The following MKLN1 variants were observed in gnomAD, a reference collection of about 807,000 sequenced individuals.
MKLN1 encodes muskelin.
MKLN1 carries 18 observed loss-of-function variants against 99.0 expected under a neutral mutation model. The observed-to-expected ratio is 0.18, with a 90% CI of 0.13 to 0.27. The LOEUF (loss-of-function observed/expected upper bound fraction) is 0.27. MKLN1 is among the 10% of genes least tolerant of loss of function. The pLI is 1.00. For synonymous variants in MKLN1, 288 were observed against 293.2 expected (o/e 0.98, Z 0.18); for missense variants, 621 against 875.9 (o/e 0.71, Z 3.67).
chr7:131,444,763 AAGTAGTAGT>A (rs60459266), intron 11 of MKLN1, among the ~76,000 whole-genome samples: 11,882 of 117,696 alleles, frequency 0.1, 680 homozygotes, highest in Middle Eastern at 0.14. Context: ...GTAGTAGAAG[AAGTAGTAGT>A]AGTAGTAGTA....
At chr7:131,411,926 A>AAAAAAAAAAAAAAC (rs1794891952) in intron 7 of MKLN1, among the ~76,000 whole-genome samples, 1 of 138,366 alleles carries the variant, frequency 7.2e-6, no homozygotes, top group African/African-American at 2.7e-5. Flanking sequence ...AAAAAAAAAA[A>AAAAAAAAAAAAAAC]AAAAAAAAAA....
At chr7:131,236,414 A>G (rs1287612988) in intron 3 of MKLN1, among the ~76,000 whole-genome samples, 1 of 152,212 alleles carries the variant, frequency 6.6e-6, no homozygotes, top group Non-Finnish European at 1.5e-5. Context: ...TAATCTCAGC[A>G]CTTTGGAAGG....
chr7:131,341,574 C>T (rs1033213957), intron 1 of MKLN1, among the ~76,000 whole-genome samples: 3 of 152,088 alleles, frequency 2.0e-5, no homozygotes, highest in African/African-American at 4.8e-5. Context: ...TATGTTTAGC[C>T]GTTTATTAGT....
chr7:131,375,958 T>C (rs1793633193), intron 2 of MKLN1, among the ~76,000 whole-genome samples: 1 of 150,370 alleles, frequency 6.7e-6, no homozygotes, highest in South Asian at 2.1e-4. Flanking sequence ...CTTTCAGTTA[T>C]ATGCGTTCAG....
chr7:131,333,769 C>G (rs1799168177), intron 1 of MKLN1, among the ~76,000 whole-genome samples: 1 of 152,142 alleles, frequency 6.6e-6, no homozygotes, highest in African/African-American at 2.4e-5. Context: ...AACTCCTGAC[C>G]TCAGGTGATC....
intron 3 of MKLN1, among the ~76,000 whole-genome samples, chr7:131,221,455 A>C (rs1488779241): frequency 2.6e-5 from 4 of 151,606 alleles, no homozygotes; most frequent in Admixed American, 2.6e-4. Context: ...GACTGGGTGA[A>C]TCATGGAACC....
At chr7:131,134,593 G>C (rs1227801238) in intron 1 of MKLN1, among the ~76,000 whole-genome samples, 1 of 151,992 alleles carries the variant, frequency 6.6e-6, no homozygotes, top group Non-Finnish European at 1.5e-5. Context: ...CTTTAGCTTC[G>C]TCAGTGTCAT....
chr7:131,477,524 A>G (rs1288450463), intron 16 of MKLN1, among the ~76,000 whole-genome samples: 1 of 152,184 alleles, frequency 6.6e-6, no homozygotes, highest in Non-Finnish European at 1.5e-5. Flanking sequence ...AAATAAATAG[A>G]CAAGCCACAT....
At chr7:131,224,874 C>T (rs1368656433) in intron 3 of MKLN1, among the ~76,000 whole-genome samples, 2 of 151,570 alleles carry the variant, frequency 1.3e-5, no homozygotes, top group Non-Finnish European at 2.9e-5. Context: ...GAAATCGAGA[C>T]CATCCTGGCT....
intron 1 of MKLN1, among the ~76,000 whole-genome samples, chr7:131,352,632 A>C (rs2116768567): frequency 1.3e-5 from 2 of 152,230 alleles, no homozygotes; most frequent in Middle Eastern, 3.4e-3. Flanking sequence ...ATTTAAAGTA[A>C]TATCAGTGTT....
At chr7:131,454,932 T>C (rs1254804739) in intron 12 of MKLN1, among the ~76,000 whole-genome samples, 1 of 152,226 alleles carries the variant, frequency 6.6e-6, no homozygotes, top group East Asian at 1.9e-4. Flanking sequence ...ATGATTTGGT[T>C]GAACTCTGAA....
exon 2 of MKLN1, chr7:131,142,906 C>T: frequency 7.7e-7 from 1 of 1,305,096 alleles, no homozygotes; most frequent in South Asian, 1.2e-5. Flanking sequence ...GATTCATAAC[C>T]TGCTCCATGC....
rs1222291770 is a variant in MKLN1, at chr7:131,116,618, A to G, written c.-419+6411A>G. Among the ~76,000 whole-genome samples, 3 of 152,064 alleles carry G rather than the reference A, an allele frequency of 2.0e-5. No homozygotes were observed. In the East Asian group the frequency reaches 5.8e-4, roughly 29 times the overall value. The stretch of plus-strand genomic sequence containing the variant: ...ATCATTACTTTGAAAAGATAGTAGG[A>G]TATCTGATAGAACATGGAAATTAAA... On this transcript the variant is annotated intron_variant, in intron 1 of 7. Coordinates refer to the MKLN1 transcript ENST00000416992.
chr7:131,140,560 G>A (rs6467353), intron 1 of MKLN1, among the ~76,000 whole-genome samples: 3 of 151,944 alleles, frequency 2.0e-5, no homozygotes, highest in African/African-American at 4.8e-5. Flanking sequence ...CTTCTCACTC[G>A]TGCTCTCTCT....
chr7:131,142,399 A>G (rs1167704669), intron 1 of MKLN1, among the ~76,000 whole-genome samples: 2 of 144,044 alleles, frequency 1.4e-5, no homozygotes, highest in Non-Finnish European at 3.1e-5. Flanking sequence ...TGACAGAGCG[A>G]GACTCCATTT....
chr7:131,281,186 C>T (rs1215444919), intron 3 of MKLN1, among the ~76,000 whole-genome samples: 1 of 151,452 alleles, frequency 6.6e-6, no homozygotes, highest in Non-Finnish European at 1.5e-5. Context: ...TGCATTTAGG[C>T]CTATGATCCA....
At chr7:131,215,817 C>T (rs1471078937) in intron 3 of MKLN1, among the ~76,000 whole-genome samples, 1 of 152,150 alleles carries the variant, frequency 6.6e-6, no homozygotes, top group African/African-American at 2.4e-5. Flanking sequence ...GTCCTTTCTT[C>T]CTGCCCCATC....
chr7:131,229,707 C>T (rs1214972237), intron 3 of MKLN1, among the ~76,000 whole-genome samples: 3 of 152,138 alleles, frequency 2.0e-5, no homozygotes, highest in African/African-American at 7.2e-5. Flanking sequence ...AAGCCCACGC[C>T]TCCACAGGCT....
In MKLN1 at chr7:131,481,811, T is replaced by C. The variant is rs7790083; in HGVS notation, c.2086+3134T>C. ...AATGAATATTTCATTTTCTAAGGTC[T>C]GCAAAAAAAAAAAAAAAAAAACCTC... On this transcript the variant is annotated intron_variant, in intron 17 of 17. Coordinates refer to ENST00000352689, the MANE Select transcript of MKLN1 (RefSeq NM_013255.5). 6.6e-3 allele frequency among the ~76,000 whole-genome samples: 427 copies of C among 64,788 alleles called. 4 individuals carry two copies. Among genetic ancestry groups the C allele is most frequent in the Admixed American group, 0.013 (66 of 5,196 alleles). 42.5% of individuals were successfully genotyped at this position (64,788 alleles called of 152,430 possible).
Sources: allele counts gnomAD v4.1 joint callset (sites outside exome capture counted in the v4.1 genomes callset), GRCh38; gene constraint gnomAD v4.1.1; transcripts MANE v1.5; gene names NCBI Gene and HGNC (gene_info 2026-07-23, HGNC 2026-07-21).